Variants in ALOX5 observed in about 807,000 individuals in gnomAD.
The protein encoded by ALOX5 is arachidonate 5-lipoxygenase.
A neutral mutation model predicts 87.9 loss-of-function variants in ALOX5; 64 were observed. That is an observed-to-expected ratio of 0.73 (90% CI 0.60 to 0.90). ALOX5 has a LOEUF of 0.90. Among genes scored for constraint, ALOX5 ranks in the 40% least tolerant of loss-of-function variants. The pLI, the probability that ALOX5 is intolerant of heterozygous loss-of-function variation, is 0.00. For missense variants in ALOX5, 822 were observed against 907.5 expected, an observed-to-expected ratio of 0.91 and a Z score of 1.21; for synonymous variants, 388 against 355.1, an observed-to-expected ratio of 1.09 and a Z score of -1.04.
chr10:45,433,328 G>A (rs902683157), intron 7 of ALOX5, among the ~76,000 whole-genome samples: 9 of 152,220 alleles, frequency 5.9e-5, no homozygotes, highest in African/African-American at 1.7e-4. Flanking sequence ...GCTGTACCAG[G>A]TGCATGTTGC....
At chr10:45,439,936 G>C (rs1470551080) in intron 7 of ALOX5, among the ~76,000 whole-genome samples, 2 of 152,152 alleles carry the variant, frequency 1.3e-5, no homozygotes, top group Admixed American at 6.5e-5. Flanking sequence ...AACAGGAGGA[G>C]CTGACTTAGG....
chr10:45,405,455 A>G (rs768839929), intron 3 of ALOX5, among the ~76,000 whole-genome samples: 2 of 151,896 alleles, frequency 1.3e-5, no homozygotes, highest in African/African-American at 2.4e-5. Context: ...TTTTTTCCCT[A>G]TTGTTCTTTC....
chr10:45,434,324 G>C (rs1416839384), intron 7 of ALOX5, among the ~76,000 whole-genome samples: 2 of 152,198 alleles, frequency 1.3e-5, no homozygotes, highest in Non-Finnish European at 2.9e-5. Context: ...AACCCCCAAG[G>C]CTCAGCCTTC....
intron 1 of ALOX5, among the ~76,000 whole-genome samples, chr10:45,379,717 C>T (rs1247334389): frequency 6.6e-6 from 1 of 152,152 alleles, no homozygotes; most frequent in African/African-American, 2.4e-5. Context: ...AGGAGGCCAC[C>T]CAGGATGGTG....
chr10:45,385,116 G>A (rs557346193), intron 2 of ALOX5, among the ~76,000 whole-genome samples: 15 of 152,186 alleles, frequency 9.9e-5, no homozygotes, highest in Non-Finnish European at 1.5e-4. Flanking sequence ...CAAAGTGCTG[G>A]GATTACAGTC....
At chr10:45,387,020 A>G (rs1840029990) in intron 2 of ALOX5, among the ~76,000 whole-genome samples, 1 of 152,150 alleles carries the variant, frequency 6.6e-6, no homozygotes, top group Admixed American at 6.5e-5. Flanking sequence ...GCATAATGAT[A>G]ATGATCATTG....
chr10:45,382,291 G>A lies in ALOX5; in HGVS notation c.151-192G>A, dbSNP rs894307575. 5.3e-5 allele frequency among the ~76,000 whole-genome samples: 8 copies of A among 152,266 alleles called. No homozygotes were observed. In the South Asian group the frequency reaches 1.0e-3, roughly 20 times the overall value. ...TATAGTGAGGACATCTTTCATAGGGGACTTTCATCTCCTGCTTCTAAGAAA... is the reference window on the plus strand; with the variant it reads ...TATAGTGAGGACATCTTTCATAGGGAACTTTCATCTCCTGCTTCTAAGAAA... On this transcript the variant is annotated intron_variant, in intron 1 of 13. Coordinates refer to ENST00000374391, the MANE Select transcript of ALOX5 (RefSeq NM_000698.5).
intron 1 of ALOX5, among the ~76,000 whole-genome samples, chr10:45,375,541 A>C (rs143112807): frequency 3.3e-5 from 5 of 152,380 alleles, no homozygotes; most frequent in African/African-American, 1.2e-4. Context: ...TTATTTGATC[A>C]AACCTTGTGA....
chr10:45,382,708 C>G (rs376513613), intron 2 of ALOX5, 27 bp downstream of exon 2: 18 of 1,597,614 alleles, frequency 1.1e-5, no homozygotes, highest in Non-Finnish European at 1.5e-5. Flanking sequence ...CCTTCTGCCC[C>G]GGGCTTCCCA....
chr10:45,446,007 C>G lies in ALOX5; in HGVS notation c.*320C>G, dbSNP rs1433375359. On this transcript the variant is annotated 3_prime_UTR_variant, in exon 14 of 14. Coordinates refer to ENST00000374391, the MANE Select transcript of ALOX5 (RefSeq NM_000698.5). ...GTTGGAGACATGGGATGATTATTTTCTGTTCTATTTGTGCTTAGTCCAATT... is the reference window on the plus strand; with the variant it reads ...GTTGGAGACATGGGATGATTATTTTGTGTTCTATTTGTGCTTAGTCCAATT... 5.8e-6 allele frequency: 2 copies of G among 343,776 alleles called. No individual in the cohort carries two copies. Among genetic ancestry groups the G allele is most frequent in the Admixed American group, 4.3e-5 (1 of 23,030 alleles). The allele number at this position is 343,776 out of a possible 1,614,324, so 21.3% of individuals were successfully genotyped here. A position where few individuals can be genotyped will look rare whatever the true frequency, so the allele number is the denominator to read the frequency against.
rs534018579 is a variant in ALOX5, at chr10:45,428,731, C to T, written c.948C>T (p.Asn316=). 2.5e-6 allele frequency: 4 copies of T among 1,614,060 alleles called. No homozygotes were observed. The African/African-American group carries it at 5.3e-5, about 22-fold the overall frequency. The change falls in exon 7 of 14, where the codon AAC becomes AAT. Residue 316 remains asparagine (N), a synonymous_variant. Transcript: ENST00000374391. ...CTCCCATCTGCTTGCTGTATAAGAACCTGGCCAACAAGATTGTCCCCATTG... is the reference window on the plus strand; with the variant it reads ...CTCCCATCTGCTTGCTGTATAAGAATCTGGCCAACAAGATTGTCCCCATTG... ...LAAPICLLYK[N]LANKIVPIAI...
chr10:45,383,562 T>G (rs1475724048), intron 2 of ALOX5, among the ~76,000 whole-genome samples: 1 of 152,230 alleles, frequency 6.6e-6, no homozygotes, highest in Admixed American at 6.5e-5. Flanking sequence ...GTCAAACTCT[T>G]TCTCTTTGCC....
chr10:45,401,359 T>G (rs76560599), intron 3 of ALOX5, among the ~76,000 whole-genome samples: 3,415 of 152,192 alleles, frequency 0.022, 124 homozygotes, highest in African/African-American at 0.078. Context: ...TTTTTTTAAC[T>G]CAAAAAAGTA....
In ALOX5 at chr10:45,374,257, T is replaced by G; in HGVS notation, c.-23T>G. 1 of 1,457,174 alleles carries G rather than the reference T, an allele frequency of 6.9e-7. No homozygotes were observed. Among genetic ancestry groups the G allele is most frequent in the Non-Finnish European group, 9.1e-7 (1 of 1,103,798 alleles). 90.3% of individuals were successfully genotyped at this position (1,457,174 alleles called of 1,614,324 possible). On this transcript the variant is annotated 5_prime_UTR_variant, in exon 1 of 14. Coordinates refer to ENST00000374391, the MANE Select transcript of ALOX5 (RefSeq NM_000698.5). ...ACCGCCGCGCCGAGGCTCCCGGCGC[T>G]CGCTGCTCCCGCGGCCCGCGCCATG...
In ALOX5 at chr10:45,419,929, A is replaced by G. The variant is rs958315484; in HGVS notation, c.555-4112A>G. Among the ~76,000 whole-genome samples, 5 of 152,158 alleles carry G rather than the reference A, an allele frequency of 3.3e-5. 1 individual carries two copies. Among genetic ancestry groups the G allele is most frequent in the Admixed American group, 3.3e-4 (5 of 15,284 alleles). On this transcript the variant is annotated intron_variant, in intron 4 of 13. Transcript: ENST00000374391. Reference sequence around the variant, plus strand: ...GATCGGGAGAAGTGATGGCGGAGGAAAGAGAGGCCGGAAGAGGAGGGGGCC... The same window carrying G: ...GATCGGGAGAAGTGATGGCGGAGGAGAGAGAGGCCGGAAGAGGAGGGGGCC...
chr10:45,413,597 A>G (rs1841154633), intron 4 of ALOX5, among the ~76,000 whole-genome samples: 2 of 152,232 alleles, frequency 1.3e-5, no homozygotes, highest in African/African-American at 2.4e-5. Context: ...GGCCAGGGCA[A>G]TCAGGCAGGA....
intron 8 of ALOX5, among the ~76,000 whole-genome samples, 196 bp downstream of exon 8, chr10:45,440,829 G>A (rs553038018): frequency 2.0e-5 from 3 of 152,302 alleles, no homozygotes; most frequent in South Asian, 2.1e-4. Flanking sequence ...CAGGACACGC[G>A]GCTGGGGCAT....
At chr10:45,415,065 C>T (rs949777947) in intron 4 of ALOX5, among the ~76,000 whole-genome samples, 1 of 152,206 alleles carries the variant, frequency 6.6e-6, no homozygotes, top group Non-Finnish European at 1.5e-5. Context: ...TACCATTTGA[C>T]CCAGCCATCC....
chr10:45,421,551 G>A (rs1335705511), intron 4 of ALOX5, among the ~76,000 whole-genome samples: 1 of 152,220 alleles, frequency 6.6e-6, no homozygotes, highest in East Asian at 1.9e-4. Flanking sequence ...CCTCCAGCTT[G>A]ACAAGCATTC....
Sources: allele counts gnomAD v4.1 joint callset (sites outside exome capture counted in the v4.1 genomes callset), GRCh38; gene constraint gnomAD v4.1.1; transcripts MANE v1.5; gene names NCBI Gene and HGNC (gene_info 2026-07-23, HGNC 2026-07-21).